The following CLASP1 variants were observed in gnomAD, a reference collection of about 807,000 sequenced individuals.
The protein encoded by CLASP1 is cytoplasmic linker associated protein 1.
A neutral mutation model predicts 192.3 loss-of-function variants in CLASP1; 38 were observed. That is an observed-to-expected ratio of 0.20 (90% CI 0.15 to 0.26). The LOEUF (loss-of-function observed/expected upper bound fraction) is 0.26, where lower values mean the gene tolerates loss of function less well. CLASP1 is among the 10% of genes least tolerant of loss of function. CLASP1 has a pLI of 1.00. For missense variants in CLASP1, 1,433 were observed against 1,932.5 expected, an observed-to-expected ratio of 0.74 and a Z score of 4.85; for synonymous variants, 691 against 712.8, an observed-to-expected ratio of 0.97 and a Z score of 0.49.
chr2:121,407,433 G>C lies in CLASP1; in HGVS notation c.2669+38C>G, dbSNP rs1163742898. The C allele has an allele frequency of 3.1e-6, 5 of 1,610,554 alleles. No homozygotes were observed. The Admixed American group carries it at 8.4e-5, about 27-fold the overall frequency. On this transcript the variant is annotated intron_variant, in intron 25 of 39. Transcript: ENST00000263710. ...TAAACCCCTGAAGAGTCCAACAGGAGATTCAAACTTAGCTCATATTCTTGC... is the reference window on the plus strand; with the variant it reads ...TAAACCCCTGAAGAGTCCAACAGGACATTCAAACTTAGCTCATATTCTTGC...
chr2:121,348,380 G>A (rs547753541), intron 38 of CLASP1, 132 bp downstream of exon 39: 13 of 730,218 alleles, frequency 1.8e-5, no homozygotes, highest in East Asian at 8.1e-5. Flanking sequence ...CCTGCCACAC[G>A]GCCTCACAGG....
chr2:121,573,848 A>C (rs1379783134), intron 2 of CLASP1, among the ~76,000 whole-genome samples: 1 of 152,170 alleles, frequency 6.6e-6, no homozygotes. Flanking sequence ...AAAAAACAAA[A>C]CAAAACAAAA....
At chr2:121,397,721 A>G (rs1574309259) in intron 29 of CLASP1, among the ~76,000 whole-genome samples, 2 of 152,218 alleles carry the variant, frequency 1.3e-5, no homozygotes, top group African/African-American at 4.8e-5. Flanking sequence ...CTTCACCATC[A>G]ACTTCTCAAC....
At chr2:121,409,861 G>A (rs916564185) in intron 24 of CLASP1, among the ~76,000 whole-genome samples, 2 of 152,170 alleles carry the variant, frequency 1.3e-5, no homozygotes, top group African/African-American at 4.8e-5. Context: ...TAAGGTTGAG[G>A]AATACAGGTG....
At chr2:121,512,239 CA>C (rs1299096141) in intron 7 of CLASP1, among the ~76,000 whole-genome samples, 1 of 152,096 alleles carries the variant, frequency 6.6e-6, no homozygotes, top group Non-Finnish European at 1.5e-5. Context: ...ACCTTTTTCC[CA>C]ACACTCTGCA....
rs985908226 is a variant in CLASP1 at position 121,418,119 on chromosome 2, C to T, written c.2320+503G>A. Among the ~76,000 whole-genome samples the T allele has an allele frequency of 1.2e-4, 19 of 152,292 alleles. No homozygotes were observed. In the South Asian group the frequency reaches 3.5e-3, roughly 28 times the overall value. On this transcript the variant is annotated intron_variant, in intron 23 of 39. Coordinates refer to ENST00000263710, the Ensembl canonical transcript of CLASP1. ...TAACTAAAAAGGGTTTATTATGTGT[C>T]CATTTTAGAGATGGCAGGACTATTA...
chr2:121,620,626 G>C (rs999467200), intron 1 of CLASP1, among the ~76,000 whole-genome samples: 5 of 152,172 alleles, frequency 3.3e-5, no homozygotes, highest in Admixed American at 2.0e-4. Flanking sequence ...GGGATTACAG[G>C]CATGAGCCAC....
chr2:121,640,910 C>G (rs571839832), intron 1 of CLASP1, among the ~76,000 whole-genome samples: 22 of 152,306 alleles, frequency 1.4e-4, no homozygotes, highest in African/African-American at 4.8e-4. Flanking sequence ...AGTGTTCTAT[C>G]TCATGGTAAT....
intron 18 of CLASP1, 74 bp downstream of exon 18, chr2:121,448,202 G>T: frequency 1.5e-6 from 2 of 1,346,060 alleles, no homozygotes; most frequent in Non-Finnish European, 1.1e-6. Context: ...TCCTGTGCCT[G>T]GGCAGCCTCT....
At chr2:121,488,872 T>C (rs966305919) in intron 8 of CLASP1, among the ~76,000 whole-genome samples, 1 of 152,192 alleles carries the variant, frequency 6.6e-6, no homozygotes, top group African/African-American at 2.4e-5. Context: ...TACCAAAGCA[T>C]GTAAGCCTGA....
intron 33 of CLASP1, among the ~76,000 whole-genome samples, chr2:121,381,713 T>C (rs1359299857): frequency 1.3e-5 from 2 of 152,188 alleles, no homozygotes; most frequent in Non-Finnish European, 2.9e-5. Context: ...ATCTGTGTGC[T>C]CAGACTACCC....
intron 1 of CLASP1, among the ~76,000 whole-genome samples, chr2:121,629,528 C>G (rs959205019): frequency 6.6e-6 from 1 of 151,326 alleles, no homozygotes; most frequent in African/African-American, 2.4e-5. Flanking sequence ...CGGTGGCTCA[C>G]GCCGGTAATC....
At chr2:121,414,673 T>C (rs1286372555) in intron 23 of CLASP1, among the ~76,000 whole-genome samples, 1 of 152,236 alleles carries the variant, frequency 6.6e-6, no homozygotes, top group Non-Finnish European at 1.5e-5. Flanking sequence ...AAGTTCATAA[T>C]GTTACTTCAA....
At chr2:121,478,714 A>AC (rs2092032742) in intron 8 of CLASP1, among the ~76,000 whole-genome samples, 1 of 36,182 alleles carries the variant, frequency 2.8e-5, no homozygotes, top group East Asian at 1.1e-3. Context: ...CCCCACACAC[A>AC]CAACCACACA....
At chr2:121,433,668 ATTGCTTGAACCTG>A (rs1237095440) in intron 19 of CLASP1, among the ~76,000 whole-genome samples, 1 of 152,008 alleles carries the variant, frequency 6.6e-6, no homozygotes, top group Non-Finnish European at 1.5e-5. Flanking sequence ...AGGCACGAGA[ATTGCTTGAACCTG>A]GGAGGCAAAG....
At chr2:121,384,138 A>G (rs1009725083) in intron 32 of CLASP1, among the ~76,000 whole-genome samples, 11 of 137,472 alleles carry the variant, frequency 8.0e-5, no homozygotes, top group East Asian at 7.8e-4. Flanking sequence ...ATATATGTAT[A>G]TATATATACA....
At chr2:121,401,927 T>G (rs1336095165) in intron 26 of CLASP1, 57 bp from the exon 28 acceptor site, 1 of 641,408 alleles carries the variant, frequency 1.6e-6, no homozygotes, top group Non-Finnish European at 2.9e-6. Context: ...CCATGTTAGT[T>G]GGCAGTGAAT....
chr2:121,340,825 T>C (rs1395960586), exon 40 of CLASP1: 1 of 1,536,378 alleles, frequency 6.5e-7, no homozygotes, highest in Non-Finnish European at 8.9e-7. Context: ...GCACCACCGA[T>C]TGCTTCTAGG....
At chr2:121,535,342 C>G (rs980036061) in intron 2 of CLASP1, among the ~76,000 whole-genome samples, 1 of 152,120 alleles carries the variant, frequency 6.6e-6, no homozygotes, top group African/African-American at 2.4e-5. Flanking sequence ...AGAAAAAACA[C>G]ATGATTAAAG....
Sources: allele counts gnomAD v4.1 joint callset (sites outside exome capture counted in the v4.1 genomes callset), GRCh38; gene constraint gnomAD v4.1.1; transcripts MANE v1.5; gene names NCBI Gene and HGNC (gene_info 2026-07-23, HGNC 2026-07-21).